MMP26: variants seen among roughly 807,000 people sequenced by gnomAD.
The protein encoded by MMP26 is matrix metallopeptidase 26, also known as matrix metalloproteinase-26.
Under a neutral mutation model 31.0 loss-of-function variants are expected in MMP26, and 33 were observed. The observed-to-expected ratio is 1.06, with a 90% CI of 0.81 to 1.42. MMP26 has a LOEUF of 1.42. MMP26 is among the 40% of genes most tolerant of loss of function. The pLI, the probability that MMP26 is intolerant of heterozygous loss-of-function variation, is 0.00. For synonymous variants in MMP26, 122 were observed against 114.9 expected (o/e 1.06, Z -0.40); for missense variants, 347 against 316.1 (o/e 1.10, Z -0.74).
At chr11:4,986,200 C>G (rs867447369) in intron 2 of MMP26, among the ~76,000 whole-genome samples, 5 of 152,058 alleles carry the variant, frequency 3.3e-5, no homozygotes, top group Non-Finnish European at 7.4e-5. Context: ...CTTTGAGTCT[C>G]ATTTTTTTTA....
At chr11:4,833,834 G>T (rs1399028109) in intron 2 of MMP26, among the ~76,000 whole-genome samples, 1 of 152,132 alleles carries the variant, frequency 6.6e-6, no homozygotes, top group African/African-American at 2.4e-5. Context: ...AAAGATAAGG[G>T]ACTGAAACTT....
At chr11:4,789,168 G>A (rs528362882) in intron 2 of MMP26, among the ~76,000 whole-genome samples, 1 of 152,318 alleles carries the variant, frequency 6.6e-6, no homozygotes, top group African/African-American at 2.4e-5. Flanking sequence ...TGGGGATGTT[G>A]AATATATGTA....
intron 2 of MMP26, among the ~76,000 whole-genome samples, chr11:4,826,796 T>C (rs1849583518): frequency 6.6e-6 from 1 of 152,110 alleles, no homozygotes. Flanking sequence ...ATATCAATAA[T>C]AATCCAGATA....
chr11:4,753,683 A>G (rs975329052), intron 1 of MMP26, among the ~76,000 whole-genome samples: 1 of 152,110 alleles, frequency 6.6e-6, no homozygotes, highest in Non-Finnish European at 1.5e-5. Context: ...TAGATACCAA[A>G]TTTCATTTAC....
At chr11:4,710,006 G>A in intron 1 of MMP26, 1 of 456,728 alleles carries the variant, frequency 2.2e-6, no homozygotes, top group Non-Finnish European at 4.4e-6. Flanking sequence ...TTATTAAAGT[G>A]GGCTTTGCAA....
At position 4,769,860 on chromosome 11, in the gene MMP26, G is replaced by A. The variant is rs767755449; in HGVS notation, c.-145+2519G>A. On this transcript the variant is annotated intron_variant, in intron 2 of 7. Transcript: ENST00000380390. ...CAGACATGGGCAGACTCTAGGCCAGGAATGCCGGTCAACAAGAAGGTTGGA... is the reference window on the plus strand; with the variant it reads ...CAGACATGGGCAGACTCTAGGCCAGAAATGCCGGTCAACAAGAAGGTTGGA... 23 of 1,613,196 alleles carry A rather than the reference G, an allele frequency of 1.4e-5. No homozygotes were observed. The East Asian group carries it at 4.2e-4, about 30-fold the overall frequency.
intron 2 of MMP26, among the ~76,000 whole-genome samples, chr11:4,831,344 C>T (rs960312908): frequency 2.7e-4 from 41 of 152,076 alleles, no homozygotes; most frequent in African/African-American, 9.9e-4. Flanking sequence ...CTCACACTGC[C>T]CTGCCTCAGG....
chr11:4,837,967 G>A (rs776372247), intron 2 of MMP26, among the ~76,000 whole-genome samples: 27 of 151,570 alleles, frequency 1.8e-4, no homozygotes, highest in Non-Finnish European at 3.7e-4. Flanking sequence ...TAAAATATTA[G>A]AGCAGTCAAT....
At chr11:4,936,651 C>T (rs1846116998) in intron 2 of MMP26, among the ~76,000 whole-genome samples, 1 of 152,018 alleles carries the variant, frequency 6.6e-6, no homozygotes, top group South Asian at 2.1e-4. Flanking sequence ...ATTCTAAGAG[C>T]TGGGCGTAAA....
chr11:4,927,493 A>G (rs934702502), intron 2 of MMP26, among the ~76,000 whole-genome samples: 1 of 152,152 alleles, frequency 6.6e-6, no homozygotes, highest in Non-Finnish European at 1.5e-5. Context: ...TTTGCCCCTC[A>G]AAACTGCCTT....
At chr11:4,788,819 T>C (rs964282503) in intron 2 of MMP26, among the ~76,000 whole-genome samples, 3 of 152,148 alleles carry the variant, frequency 2.0e-5, no homozygotes, top group African/African-American at 7.2e-5. Flanking sequence ...GGGGATGCTT[T>C]CTCACCTCAA....
chr11:4,935,487 G>T lies in MMP26; in HGVS notation c.-144-52581G>T, dbSNP rs1311067343. On this transcript the variant is annotated intron_variant, in intron 2 of 7. Transcript: ENST00000380390. ...TAAGGAGATTTTGGGCTGAGACAATGGGGTTTTCTAGATATACAATCATGT... is the reference window on the plus strand; with the variant it reads ...TAAGGAGATTTTGGGCTGAGACAATTGGGTTTTCTAGATATACAATCATGT... Among the ~76,000 whole-genome samples, 1,452 of 150,088 alleles carry T rather than the reference G, an allele frequency of 9.7e-3. 21 individuals carry two copies. The highest frequency in any genetic ancestry group is 0.034 in the African/African-American group (1,382 of 41,212).
chr11:4,891,604 G>C (rs1850623887), intron 2 of MMP26, among the ~76,000 whole-genome samples: 1 of 152,144 alleles, frequency 6.6e-6, no homozygotes, highest in Non-Finnish European at 1.5e-5. Context: ...TCCAAAGTAA[G>C]GACATAACAA....
intron 2 of MMP26, among the ~76,000 whole-genome samples, chr11:4,895,794 C>G (rs960011496): frequency 1.3e-5 from 2 of 152,140 alleles, no homozygotes; most frequent in African/African-American, 4.8e-5. Flanking sequence ...GGCATGGTGG[C>G]ACATGACTGA....
chr11:4,769,125 G>A lies in MMP26; in HGVS notation c.-145+1784G>A, dbSNP rs369623823. The A allele has an allele frequency of 1.6e-5, 26 of 1,609,218 alleles. No individual in the cohort carries two copies. In the East Asian group the frequency reaches 3.3e-4, roughly 21 times the overall value. On this transcript the variant is annotated intron_variant, in intron 2 of 7. Transcript: ENST00000380390. ...ACTCTGGGGGCTGACCGACCATAGCGATACACCAAGGACAGGCTCAGCATG... is the reference window on the plus strand; with the variant it reads ...ACTCTGGGGGCTGACCGACCATAGCAATACACCAAGGACAGGCTCAGCATG...
intron 2 of MMP26, among the ~76,000 whole-genome samples, chr11:4,841,804 G>A (rs918095980): frequency 2.0e-5 from 3 of 152,110 alleles, no homozygotes; most frequent in Non-Finnish European, 4.4e-5. Context: ...GAGTTTGTGC[G>A]TGCCTGTAAT....
At chr11:4,914,296 G>A (rs758367611) in intron 2 of MMP26, 6 of 161,872 alleles carry the variant, frequency 3.7e-5, no homozygotes, top group Admixed American at 2.4e-4. Flanking sequence ...AAAAACAAGC[G>A]TTGAGTGAAA....
chr11:4,765,787 GT>G (rs1848620802), intron 1 of MMP26, among the ~76,000 whole-genome samples: 1 of 152,174 alleles, frequency 6.6e-6, no homozygotes, highest in South Asian at 2.1e-4. Context: ...TGAACGATGT[GT>G]CCTCTGTGCA....
intron 2 of MMP26, among the ~76,000 whole-genome samples, chr11:4,790,618 TG>T (rs1318146227): frequency 6.6e-6 from 1 of 152,078 alleles, no homozygotes. Flanking sequence ...AGAATGAGGG[TG>T]GTGTATGAGC....
Sources: gnomAD v4.1 joint callset for allele counts (sites outside exome capture counted in the v4.1 genomes callset) on GRCh38, gnomAD v4.1.1 for gene constraint, MANE v1.5 for transcripts, NCBI Gene and HGNC (gene_info 2026-07-23, HGNC 2026-07-21) for gene names.